SLC24A2: variants seen among roughly 807,000 people sequenced by gnomAD.
SLC24A2 encodes solute carrier family 24 member 2.
Under a neutral mutation model 62.0 loss-of-function variants are expected in SLC24A2, and 36 were observed. The observed-to-expected ratio is 0.58, with a 90% CI of 0.44 to 0.77. The LOEUF is 0.77. Among genes scored for constraint, SLC24A2 ranks in the 30% least tolerant of loss-of-function variants. The probability of loss-of-function intolerance (pLI) is 0.00; values close to 1 mark genes in which losing one functional copy is unlikely to be tolerated. For synonymous variants in SLC24A2, 358 were observed against 294.0 expected (o/e 1.22, Z -2.23); for missense variants, 846 against 817.9 (o/e 1.03, Z -0.42).
the SLC24A2 span, among the ~76,000 whole-genome samples, chr9:20,301,214 T>G: frequency 6.6e-6 from 1 of 152,202 alleles, no homozygotes; most frequent in African/African-American, 2.4e-5. Flanking sequence ...AAACATTGGT[T>G]AAAAGTCCTA....
At chr9:19,933,708 A>G in the SLC24A2 span, among the ~76,000 whole-genome samples, 1 of 152,230 alleles carries the variant, frequency 6.6e-6, no homozygotes, top group Non-Finnish European at 1.5e-5. Flanking sequence ...GCCAAAAAGT[A>G]GAAACAACCC....
the SLC24A2 span, among the ~76,000 whole-genome samples, chr9:20,108,461 G>A: frequency 3.3e-5 from 5 of 152,174 alleles, no homozygotes; most frequent in Middle Eastern, 3.4e-3. Context: ...ATGTCCAACA[G>A]TGATAGACTG....
the SLC24A2 span, among the ~76,000 whole-genome samples, chr9:20,129,961 A>ACG: frequency 4.0e-5 from 6 of 151,820 alleles, no homozygotes; most frequent in African/African-American, 1.5e-4. Context: ...ACACACACAC[A>ACG]CACAGAGGTT....
At position 19,550,379 on chromosome 9, in the gene SLC24A2, G is replaced by A; in HGVS notation, c.1348-111C>T. On this transcript the variant is annotated intron_variant, in intron 7 of 10. Transcript: ENST00000341998. ...AGCTCCATGTCTTATCAGTTTTCTG[G>A]ACTCGTTCCAGTAGCTTCATATGTG... The A allele has an allele frequency of 3.6e-6, 4 of 1,126,194 alleles. No homozygotes were observed. The South Asian group carries it at 5.2e-5, about 15-fold the overall frequency. 69.8% of individuals were successfully genotyped at this position (1,126,194 alleles called of 1,614,324 possible).
rs530354731 is a variant in SLC24A2, at chr9:19,541,884, C to G, written c.1479+8253G>C. Among the ~76,000 whole-genome samples, 10 of 152,174 alleles carry G rather than the reference C, an allele frequency of 6.6e-5. No individual in the cohort carries two copies. The East Asian group carries it at 1.5e-3, about 24-fold the overall frequency. Reference sequence around the variant, plus strand: ...TTCCGTGGGCGTAGGACCCTCTGAGCCAGGTGTGGGATATAGTCTCCTGGT... The same window carrying G: ...TTCCGTGGGCGTAGGACCCTCTGAGGCAGGTGTGGGATATAGTCTCCTGGT... On this transcript the variant is annotated intron_variant, in intron 8 of 10. Transcript: ENST00000341998.
chr9:20,010,279 G>T, the SLC24A2 span, among the ~76,000 whole-genome samples: 1 of 152,124 alleles, frequency 6.6e-6, no homozygotes, highest in Non-Finnish European at 1.5e-5. Context: ...ACCTGCAAAA[G>T]CCAGGAGAGG....
chr9:20,020,580 G>A, the SLC24A2 span, among the ~76,000 whole-genome samples: 4 of 152,142 alleles, frequency 2.6e-5, no homozygotes, highest in African/African-American at 9.7e-5. Context: ...AGCAGGTGGG[G>A]GGCTAGGGGA....
chr9:20,273,678 T>C, the SLC24A2 span, among the ~76,000 whole-genome samples: 4 of 152,152 alleles, frequency 2.6e-5, no homozygotes, highest in African/African-American at 9.6e-5. Context: ...GAACTGTAAG[T>C]CCAATTAAAA....
chr9:20,199,693 T>C, the SLC24A2 span, among the ~76,000 whole-genome samples: 3 of 152,010 alleles, frequency 2.0e-5, no homozygotes, highest in South Asian at 2.1e-4. Flanking sequence ...TCTGATATTC[T>C]GATATCTGGG....
At chr9:20,251,116 T>C in the SLC24A2 span, among the ~76,000 whole-genome samples, 6 of 152,320 alleles carry the variant, frequency 3.9e-5, no homozygotes, top group East Asian at 1.9e-4. Context: ...TCTTCCTTTA[T>C]ATGACGAGGA....
chr9:19,720,964 G>T (rs1821009671), intron 2 of SLC24A2, among the ~76,000 whole-genome samples: 1 of 151,434 alleles, frequency 6.6e-6, no homozygotes, highest in Admixed American at 6.6e-5. Context: ...CATTCCCAAA[G>T]TATAGTGCTT....
intron 2 of SLC24A2, among the ~76,000 whole-genome samples, chr9:19,628,250 T>G (rs1453059284): frequency 6.6e-6 from 1 of 152,314 alleles, no homozygotes; most frequent in South Asian, 2.1e-4. Context: ...GCTCCTCAGC[T>G]GCTTGTGTCA....
At chr9:20,176,016 T>C in the SLC24A2 span, among the ~76,000 whole-genome samples, 1 of 151,996 alleles carries the variant, frequency 6.6e-6, no homozygotes, top group African/African-American at 2.4e-5. Flanking sequence ...AAAGATAAAG[T>C]GAGGACCCGG....
At chr9:19,807,284 A>C in the SLC24A2 span, among the ~76,000 whole-genome samples, 1 of 152,206 alleles carries the variant, frequency 6.6e-6, no homozygotes, top group African/African-American at 2.4e-5. Flanking sequence ...GATAGATTTG[A>C]AATTTATGTA....
At chr9:19,940,977 G>C in the SLC24A2 span, among the ~76,000 whole-genome samples, 1 of 152,248 alleles carries the variant, frequency 6.6e-6, no homozygotes, top group African/African-American at 2.4e-5. Flanking sequence ...AGAAGATGCT[G>C]TGTTCTGGTC....
the SLC24A2 span, among the ~76,000 whole-genome samples, chr9:20,298,758 A>C: frequency 6.6e-6 from 1 of 152,080 alleles, no homozygotes; most frequent in Non-Finnish European, 1.5e-5. Flanking sequence ...TACAACTACT[A>C]TCTTCATTTT....
At chr9:20,240,587 G>A in the SLC24A2 span, among the ~76,000 whole-genome samples, 1 of 152,132 alleles carries the variant, frequency 6.6e-6, no homozygotes, top group African/African-American at 2.4e-5. Context: ...ATGTATTAAT[G>A]GGAGTAGAAC....
intron 2 of SLC24A2, among the ~76,000 whole-genome samples, chr9:19,697,473 A>G (rs1331058114): frequency 3.3e-5 from 5 of 152,216 alleles, no homozygotes; most frequent in African/African-American, 4.8e-5. Context: ...TTTCCTTGGC[A>G]CTATTTTGTT....
chr9:19,826,655 G>A, the SLC24A2 span, among the ~76,000 whole-genome samples: 15 of 152,248 alleles, frequency 9.9e-5, no homozygotes, highest in South Asian at 4.1e-4. Flanking sequence ...GAAAGGATCC[G>A]AAGGAGTGAA....
Sources: gnomAD v4.1 joint callset for allele counts (sites outside exome capture counted in the v4.1 genomes callset) on GRCh38, gnomAD v4.1.1 for gene constraint, MANE v1.5 for transcripts, NCBI Gene and HGNC (gene_info 2026-07-23, HGNC 2026-07-21) for gene names.